PIAS2: variants seen among roughly 807,000 people sequenced by gnomAD.
The protein encoded by PIAS2 is E3 SUMO-protein ligase PIAS2.
A neutral mutation model predicts 69.7 loss-of-function variants in PIAS2; 19 were observed. That is an observed-to-expected ratio of 0.27 (90% CI 0.19 to 0.40). The LOEUF is 0.40. Ranked by LOEUF, PIAS2 falls within the 10% of genes least tolerant of loss-of-function variation. The pLI, the probability that PIAS2 is intolerant of heterozygous loss-of-function variation, is 1.00. For synonymous variants in PIAS2, 261 were observed against 263.2 expected (o/e 0.99, Z 0.08); for missense variants, 624 against 757.0 (o/e 0.82, Z 2.06).
chr18:46,865,522 CA>C (rs11321908), intron 2 of PIAS2, among the ~76,000 whole-genome samples: 58,938 of 107,988 alleles, frequency 0.55, 12,377 homozygotes, highest in African/African-American at 0.6. Flanking sequence ...CGATAGTCTT[CA>C]AAAAAAAAAA....
chr18:46,913,133 A>G (rs1279665105), intron 1 of PIAS2, among the ~76,000 whole-genome samples: 1 of 152,174 alleles, frequency 6.6e-6, no homozygotes, highest in Admixed American at 6.5e-5. Context: ...ATTAGTCTGT[A>G]TCCCTGCCCA....
At chr18:46,879,659 A>C (rs2051861827) in intron 2 of PIAS2, among the ~76,000 whole-genome samples, 1 of 152,254 alleles carries the variant, frequency 6.6e-6, no homozygotes, top group Non-Finnish European at 1.5e-5. Context: ...GAAGCAATCC[A>C]AGTGTCCATT....
At chr18:46,915,568 G>A (rs1255177328) in intron 1 of PIAS2, 1 of 152,074 alleles carries the variant, frequency 6.6e-6, no homozygotes, top group African/African-American at 2.4e-5. Context: ...AGGAAAAGAG[G>A]ATGAAGCTGA....
chr18:46,839,355 T>C (rs1038914592), intron 8 of PIAS2, among the ~76,000 whole-genome samples: 10 of 152,198 alleles, frequency 6.6e-5, no homozygotes, highest in African/African-American at 2.2e-4. Flanking sequence ...ATATAGAGAA[T>C]TAAATCTGGA....
At chr18:46,871,681 C>T (rs12454431) in intron 2 of PIAS2, among the ~76,000 whole-genome samples, 2,961 of 152,206 alleles carry the variant, frequency 0.019, 91 homozygotes, top group East Asian at 0.14. Context: ...TTTCCCTTTA[C>T]CTAATGTCCC....
chr18:46,910,371 T>C (rs1297273230), intron 1 of PIAS2, among the ~76,000 whole-genome samples: 1 of 152,152 alleles, frequency 6.6e-6, no homozygotes, highest in Non-Finnish European at 1.5e-5. Context: ...TATGTTTGTT[T>C]ACATACGCCT....
chr18:46,807,369 ATATATATATATATATTTTTTT>A lies in PIAS2; in HGVS notation c.*5043_*5063del, dbSNP rs2040742123. On this transcript the variant is annotated 3_prime_UTR_variant, in exon 14 of 14. Transcript: ENST00000585916. The stretch of plus-strand genomic sequence containing the variant: ...CATGTCAGATTTTATATATATATAT[ATATATATATATATATTTTTTT>A]TTTTTTTTTTTTTTTTTTTTAGAGA... 4.1e-5 allele frequency: 1 copy of A among 24,576 alleles called. No homozygotes were observed. Among genetic ancestry groups the A allele is most frequent in the African/African-American group, 3.2e-4 (1 of 3,150 alleles). 1.5% of individuals were successfully genotyped at this position (24,576 alleles called of 1,614,324 possible).
At chr18:46,829,460 T>G (rs982546839) in intron 10 of PIAS2, among the ~76,000 whole-genome samples, 2 of 152,248 alleles carry the variant, frequency 1.3e-5, no homozygotes, top group African/African-American at 4.8e-5. Flanking sequence ...TGTGACTTTT[T>G]GTTTTGTAAC....
At chr18:46,846,996 A>G (rs554241084) in intron 5 of PIAS2, among the ~76,000 whole-genome samples, 155 bp from the exon 6 acceptor site, 5 of 152,232 alleles carry the variant, frequency 3.3e-5, no homozygotes, top group Non-Finnish European at 5.9e-5. Context: ...TCAACCCAAA[A>G]TAGGAAAATA....
intron 5 of PIAS2, among the ~76,000 whole-genome samples, chr18:46,854,168 T>C (rs1051687019): frequency 9.8e-5 from 15 of 152,328 alleles, no homozygotes; most frequent in Non-Finnish European, 1.5e-4. Context: ...GTCTCAGTCA[T>C]GGAATTTCTT....
In PIAS2 at chr18:46,814,558, A is replaced by C. The variant is rs867725350; in HGVS notation, c.1686+754T>G. 6.3e-4 allele frequency among the ~76,000 whole-genome samples: 96 copies of C among 152,330 alleles called. 1 individual carries two copies. The Middle Eastern group carries it at 0.01, about 16-fold the overall frequency. ...CTGCTGTTCATGTAATCAGATACAG[A>C]GTACTGAAACAGGAGGCTGATACAG... On this transcript the variant is annotated intron_variant, in intron 13 of 13. Transcript: ENST00000585916.
chr18:46,846,856 A>C lies in PIAS2; in HGVS notation c.727-15T>G. ...GGTGCATAGCCCTATAACCGTAAGA[A>C]AGAAAAATTATTTCAAATCATCTGC... is the stretch of plus-strand genomic sequence containing the variant. On this transcript the variant is annotated splice_polypyrimidine_tract_variant and intron_variant, in intron 5 of 13. Coordinates refer to ENST00000585916, the MANE Select transcript of PIAS2 (RefSeq NM_004671.5). 6.5e-7 allele frequency: 1 copy of C among 1,538,194 alleles called. No individual in the cohort carries two copies. Among genetic ancestry groups the C allele is most frequent in the Non-Finnish European group, 8.7e-7 (1 of 1,144,940 alleles).
chr18:46,834,277 A>AT (rs1179228870), intron 9 of PIAS2, among the ~76,000 whole-genome samples: 2 of 152,170 alleles, frequency 1.3e-5, no homozygotes, highest in African/African-American at 4.8e-5. Flanking sequence ...ACAAGACTTG[A>AT]TAAAAAAAAA....
chr18:46,872,517 A>G (rs2050521182), intron 2 of PIAS2, among the ~76,000 whole-genome samples: 1 of 152,226 alleles, frequency 6.6e-6, no homozygotes, highest in Non-Finnish European at 1.5e-5. Context: ...CAATACGTGG[A>G]TGACCTGCTT....
intron 9 of PIAS2, among the ~76,000 whole-genome samples, chr18:46,835,525 C>G (rs950730759): frequency 6.6e-6 from 1 of 152,170 alleles, no homozygotes; most frequent in Non-Finnish European, 1.5e-5. Flanking sequence ...TTCCTGGGCT[C>G]AAGTGATCCT....
intron 1 of PIAS2, chr18:46,893,414 G>C (rs2054361785): frequency 2.1e-6 from 2 of 941,036 alleles, no homozygotes; most frequent in Non-Finnish European, 2.5e-6. Context: ...ACAAAACAAA[G>C]CACAAAGTCA....
intron 3 of PIAS2, among the ~76,000 whole-genome samples, chr18:46,861,677 C>G (rs1264534368): frequency 6.6e-6 from 1 of 152,146 alleles, no homozygotes; most frequent in Non-Finnish European, 1.5e-5. Context: ...AAACATCAGC[C>G]GTACCCCCAA....
At chr18:46,818,145 T>C in intron 12 of PIAS2, 1 of 1,100,818 alleles carries the variant, frequency 9.1e-7, no homozygotes, top group African/African-American at 1.6e-5. Context: ...TTAGATTTTT[T>C]CTCATTGATG....
intron 2 of PIAS2, among the ~76,000 whole-genome samples, chr18:46,866,295 T>G (rs1209644679): frequency 6.6e-6 from 1 of 152,192 alleles, no homozygotes; most frequent in Non-Finnish European, 1.5e-5. Context: ...TTGATTAATC[T>G]TGAAAGCAAC....
Sources: gnomAD v4.1 joint callset for allele counts (sites outside exome capture counted in the v4.1 genomes callset) on GRCh38, gnomAD v4.1.1 for gene constraint, MANE v1.5 for transcripts, NCBI Gene and HGNC (gene_info 2026-07-23, HGNC 2026-07-21) for gene names.